Variants in HDAC9 observed in about 807,000 individuals in gnomAD.
HDAC9 encodes MEF-2 interacting transcription repressor (MITR) protein.
A neutral mutation model predicts 139.4 loss-of-function variants in HDAC9; 41 were observed. That is an observed-to-expected ratio of 0.29 (90% CI 0.23 to 0.38). The LOEUF is 0.38. Among genes scored for constraint, HDAC9 ranks in the 10% least tolerant of loss-of-function variants. HDAC9 has a pLI of 1.00. For synonymous variants in HDAC9, 517 were observed against 476.2 expected, an observed-to-expected ratio of 1.09 and a Z score of -1.12; for missense variants, 1,147 against 1,297.0, an observed-to-expected ratio of 0.88 and a Z score of 1.78.
At chr7:18,941,999 G>A (rs1026624619) in intron 23 of HDAC9, among the ~76,000 whole-genome samples, 5 of 151,982 alleles carry the variant, frequency 3.3e-5, no homozygotes, top group Admixed American at 3.3e-4. Context: ...GAGAATATGG[G>A]CCAGGGACCT....
intron 1 of HDAC9, among the ~76,000 whole-genome samples, chr7:18,341,836 A>C (rs1382545193): frequency 6.6e-6 from 1 of 151,680 alleles, no homozygotes; most frequent in African/African-American, 2.4e-5. Context: ...GGTCTTGAAA[A>C]ATTTTTTGTA....
rs781485286 is a variant in HDAC9, at chr7:18,495,854, G to C, written c.-211G>C. 1.1e-5 allele frequency: 12 copies of C among 1,067,314 alleles called. No homozygotes were observed. The highest frequency in any genetic ancestry group is 1.7e-5 in the African/African-American group (1 of 60,216). 66.1% of individuals were successfully genotyped at this position (1,067,314 alleles called of 1,614,324 possible). A position where few individuals can be genotyped will look rare whatever the true frequency, so the allele number is the denominator to read the frequency against. On this transcript the variant is annotated 5_prime_UTR_variant, in exon 1 of 26. Coordinates refer to ENST00000686413, the MANE Select transcript of HDAC9 (RefSeq NM_178425.4). ...TAGCAGCCTGAAGAACTCTAAGCCA[G>C]GTTTAATTGGTTTCTTTTTCTCGTG...
At chr7:18,350,369 C>A (rs981561437) in intron 1 of HDAC9, among the ~76,000 whole-genome samples, 1 of 152,090 alleles carries the variant, frequency 6.6e-6, no homozygotes, top group Non-Finnish European at 1.5e-5. Context: ...TTGTGCAAAA[C>A]AACATTTAGC....
At chr7:18,575,385 G>A (rs534996554) in intron 2 of HDAC9, among the ~76,000 whole-genome samples, 12 of 152,062 alleles carry the variant, frequency 7.9e-5, no homozygotes, top group Admixed American at 7.9e-4. Flanking sequence ...ACCAGTTCTG[G>A]TGTAATTTTC....
intron 2 of HDAC9, among the ~76,000 whole-genome samples, chr7:18,241,025 A>G (rs1794154156): frequency 6.6e-6 from 1 of 152,148 alleles, no homozygotes; most frequent in Non-Finnish European, 1.5e-5. Flanking sequence ...GAGATCTTTG[A>G]TCTCAGAAAT....
intron 25 of HDAC9, among the ~76,000 whole-genome samples, chr7:18,983,176 C>T (rs1038245647): frequency 1.3e-5 from 2 of 152,180 alleles, no homozygotes; most frequent in African/African-American, 4.8e-5. Flanking sequence ...ACTTTAGATA[C>T]TTCATATAAT....
intron 2 of HDAC9, among the ~76,000 whole-genome samples, chr7:18,253,763 C>G (rs1795070225): frequency 6.6e-6 from 1 of 152,194 alleles, no homozygotes; most frequent in Non-Finnish European, 1.5e-5. Context: ...GCTTCACTAT[C>G]AAGGAAGGCT....
intron 11 of HDAC9, among the ~76,000 whole-genome samples, chr7:18,664,610 TC>T (rs1208201740): frequency 6.6e-6 from 1 of 151,982 alleles, no homozygotes; most frequent in Non-Finnish European, 1.5e-5. Flanking sequence ...CCAGAAATGC[TC>T]CCCACCCTTA....
At chr7:18,326,862 A>T (rs796176328) in intron 1 of HDAC9, among the ~76,000 whole-genome samples, 10 of 152,066 alleles carry the variant, frequency 6.6e-5, no homozygotes, top group African/African-American at 2.4e-4. Flanking sequence ...AGAACTGATG[A>T]TGGGTAGTCT....
chr7:18,140,980 C>A (rs770783049), intron 1 of HDAC9, among the ~76,000 whole-genome samples: 1 of 149,978 alleles, frequency 6.7e-6, no homozygotes, highest in Non-Finnish European at 1.5e-5. Flanking sequence ...AGCTAAAATT[C>A]TCAATGAGCA....
intron 1 of HDAC9, among the ~76,000 whole-genome samples, chr7:18,108,679 A>ATTTTG (rs1783398791): frequency 8.5e-6 from 1 of 118,020 alleles, no homozygotes; most frequent in Admixed American, 1.2e-4. Flanking sequence ...CAGTGTTGTG[A>ATTTTG]TTTTGGCACA....
chr7:18,131,918 A>G (rs1396184618), intron 1 of HDAC9, among the ~76,000 whole-genome samples: 1 of 152,192 alleles, frequency 6.6e-6, no homozygotes, highest in Non-Finnish European at 1.5e-5. Context: ...CTTCCCCAAT[A>G]TGTTTTAGGC....
Position 18,503,062 on chromosome 7 carries a change from A to G in HDAC9, c.22+6738A>G, listed in dbSNP as rs1798814847. ...GGAATGATAAGCACTACATTTTAAC[A>G]TTTTTTTTCTGAATTTGAATGCTTT... On this transcript the variant is annotated intron_variant, in intron 2 of 25. Transcript: ENST00000686413. Among the ~76,000 whole-genome samples the G allele has an allele frequency of 4.6e-5, 7 of 151,996 alleles. No individual in the cohort carries two copies. In the South Asian group the frequency reaches 1.4e-3, roughly 31 times the overall value.
intron 16 of HDAC9, among the ~76,000 whole-genome samples, chr7:18,790,597 G>T (rs11982807): frequency 0.012 from 1,758 of 152,242 alleles, 39 homozygotes; most frequent in African/African-American, 0.04. Context: ...AGACAAACTT[G>T]TTTGTAAATT....
At chr7:18,777,512 C>T (rs1019548281) in intron 16 of HDAC9, among the ~76,000 whole-genome samples, 4 of 151,802 alleles carry the variant, frequency 2.6e-5, no homozygotes, top group Non-Finnish European at 4.4e-5. Context: ...ATAATGATGA[C>T]GTCTCAATTT....
chr7:18,459,599 C>A (rs1316241331), intron 1 of HDAC9, among the ~76,000 whole-genome samples: 1 of 151,942 alleles, frequency 6.6e-6, no homozygotes, highest in Non-Finnish European at 1.5e-5. Context: ...TGCTCCCTTG[C>A]CAGTAAATCG....
Position 18,996,059 on chromosome 7 carries a change from G to A in HDAC9, c.3207G>A (p.Leu1069=). ...AGEPMEEEPA[L] is the part of the protein sequence containing the mutation. ...AGCCTATGGAAGAGGAGCCAGCCTT[G>A]TGAAGTGCCAAGTCCCCCTCTGATA... is the stretch of plus-strand genomic sequence containing the variant. Residue 1069 remains leucine, a synonymous_variant, in exon 26 of 26, where the codon TTG becomes TTA. Coordinates refer to ENST00000686413, the MANE Select transcript of HDAC9 (RefSeq NM_178425.4). 1.9e-6 allele frequency: 3 copies of A among 1,604,596 alleles called. No homozygotes were observed. Among genetic ancestry groups the A allele is most frequent in the Non-Finnish European group, 2.6e-6 (3 of 1,175,274 alleles).
At chr7:18,731,313 T>G (rs1469523245) in intron 13 of HDAC9, among the ~76,000 whole-genome samples, 1 of 152,048 alleles carries the variant, frequency 6.6e-6, no homozygotes, top group East Asian at 1.9e-4. Context: ...AATAGCAAGG[T>G]AGCGGACACA....
intron 1 of HDAC9, among the ~76,000 whole-genome samples, chr7:18,463,346 T>C (rs1794009090): frequency 6.6e-6 from 1 of 151,940 alleles, no homozygotes; most frequent in African/African-American, 2.4e-5. Flanking sequence ...ACTGATAAAA[T>C]TGTCTGTGCC....
Sources: gnomAD v4.1 joint callset for allele counts (sites outside exome capture counted in the v4.1 genomes callset) on GRCh38, gnomAD v4.1.1 for gene constraint, MANE v1.5 for transcripts, NCBI Gene and HGNC (gene_info 2026-07-23, HGNC 2026-07-21) for gene names.